Variants in NEB observed in about 807,000 individuals in gnomAD.
The protein encoded by NEB is nemaline myopathy type 2.
In NEB, 512 loss-of-function variants were observed where a neutral mutation model predicts 952.2. That is an observed-to-expected ratio of 0.54 (90% confidence interval 0.50 to 0.58). The LOEUF is 0.58. Among genes scored for constraint, NEB ranks in the 20% least tolerant of loss-of-function variants. The pLI is 0.00. For missense variants in NEB, 8,428 were observed against 9,231.1 expected (o/e 0.91, Z 3.56); for synonymous variants, 2,900 against 3,149.8 (o/e 0.92, Z 2.66).
At chr2:151,665,039 T>C (rs1406941879) in intron 42 of NEB, among the ~76,000 whole-genome samples, 176 bp from the exon 43 acceptor site, 1 of 152,172 alleles carries the variant, frequency 6.6e-6, no homozygotes, top group Non-Finnish European at 1.5e-5. Context: ...AAAAAATTGT[T>C]GAATACGGCA....
At chr2:151,610,169 T>G (rs1293686978) in intron 80 of NEB, 49 bp from the exon 81 acceptor site, 1 of 1,462,814 alleles carries the variant, frequency 6.8e-7, no homozygotes, top group African/African-American at 1.4e-5. Context: ...AAAACCATGC[T>G]CATGTGCTGA....
In NEB at chr2:151,553,454, C is replaced by T. The variant is rs189232206; in HGVS notation, c.19675G>A (p.Val6559Ile). The T allele has an allele frequency of 1.1e-4, 181 of 1,613,700 alleles. 1 individual carries two copies. The East Asian group carries it at 1.3e-3, about 12-fold the overall frequency. The change falls in exon 127 of 182, where the codon GTC (valine) becomes ATC (isoleucine). Residue 6559 changes from valine (V) to isoleucine (I), a missense_variant. Physicochemically the swap from Val to Ile is conservative, Grantham distance 29. Transcript: ENST00000397345. ...LNWLKGIGCY[V>I]WDTPEILHAK... is the part of the protein sequence containing the mutation. The stretch of plus-strand genomic sequence containing the variant: ...TGGAGGATTTCAGGAGTGTCCCAGA[C>T]GTAGCAACCAATGCCTTTCAGCCAG...
rs1312710050 is a variant in NEB at position 151,548,343 on chromosome 2, C to A, written c.20122G>T (p.Val6708Phe). 1.9e-6 allele frequency: 3 copies of A among 1,613,560 alleles called. No homozygotes were observed. The highest frequency in any genetic ancestry group is 2.5e-6 in the Non-Finnish European group (3 of 1,179,694). ...YTLGPKDVPF[V>F]HVRRVNNVTS... ...ACATTGTTGACTCTCCGGACGTGGA[C>A]AAATGGAACATCTTTGGGGCCAAGT... Residue 6708 changes from valine (V) to phenylalanine (F), a missense_variant, in exon 131 of 182, where the codon GTC becomes TTC. Val to Phe is a conservative substitution (Grantham distance 50). Transcript: ENST00000397345.
At chr2:151,520,077 T>A (rs1282070309) in intron 153 of NEB, 1 of 198,752 alleles carries the variant, frequency 5.0e-6, no homozygotes, top group Non-Finnish European at 1.0e-5. Context: ...CAGGCTAAAT[T>A]CAGAGATGTG....
chr2:151,673,980 G>A (rs1352632873), intron 36 of NEB, among the ~76,000 whole-genome samples: 1 of 152,040 alleles, frequency 6.6e-6, no homozygotes, highest in African/African-American at 2.4e-5. Flanking sequence ...TTCAAAGATG[G>A]AAAGGAGTAG....
chr2:151,699,131 C>T lies in NEB; in HGVS notation c.1153-1483G>A, dbSNP rs557599229. Among the ~76,000 whole-genome samples the T allele has an allele frequency of 2.0e-3, 275 of 135,768 alleles. 9 individuals are homozygous for T. The East Asian group carries it at 0.053, about 26-fold the overall frequency. 89.1% of individuals were successfully genotyped at this position (135,768 alleles called of 152,430 possible). On this transcript the variant is annotated intron_variant, in intron 13 of 181. Coordinates refer to ENST00000397345, the MANE Select transcript of NEB (RefSeq NM_001164508.2). ...TGCGGTGTTTGGTTTTTTGTTCTTG[C>T]GATAGTTTACTGAGAATGATGATTT...
rs1166796188 is a variant in NEB, at chr2:151,687,551, T to C, written c.2524-19A>G. The C allele has an allele frequency of 6.2e-7, 1 of 1,612,758 alleles. No individual in the cohort carries two copies. Among genetic ancestry groups the C allele is most frequent in the East Asian group, 2.2e-5 (1 of 44,878 alleles). On this transcript the variant is annotated intron_variant, in intron 26 of 181. Transcript: ENST00000397345. Reference sequence around the variant, plus strand: ...ACATCACCTGCAAAGACATCACACATGCCAGATCCCACTCACCAGGAAATG... The same window carrying C: ...ACATCACCTGCAAAGACATCACACACGCCAGATCCCACTCACCAGGAAATG...
At chr2:151,684,695 G>A (rs1008546616) in intron 28 of NEB, 83 bp downstream of exon 28, 161 of 1,304,726 alleles carry the variant, frequency 1.2e-4, no homozygotes, top group Non-Finnish European at 1.5e-4. Context: ...CCTCTAAGAA[G>A]TGCAAAAACC....
intron 167 of NEB, among the ~76,000 whole-genome samples, chr2:151,502,416 CAT>C (rs1231051226): frequency 1.3e-5 from 2 of 150,338 alleles, no homozygotes; most frequent in African/African-American, 4.9e-5. Context: ...AAGCTGCAAA[CAT>C]AAAGAATACA....
rs140687709 is a variant in NEB at position 151,520,075 on chromosome 2, A to C, written c.22480-307T>G. 1.3e-3 allele frequency: 267 copies of C among 200,842 alleles called. 2 individuals carry two copies. The highest frequency in any genetic ancestry group is 5.9e-3 in the African/African-American group (254 of 43,178). 12.4% of individuals were successfully genotyped at this position (200,842 alleles called of 1,614,324 possible). A position where few individuals can be genotyped will look rare whatever the true frequency, so the allele number is the denominator to read the frequency against. ...AAAAATGGAAAAGGCTTCAGGCTAA[A>C]TTCAGAGATGTGATTTAATGTACTT... On this transcript the variant is annotated intron_variant, in intron 153 of 181. Coordinates refer to ENST00000397345, the MANE Select transcript of NEB (RefSeq NM_001164508.2).
Position 151,675,319 on chromosome 2 carries a change from G to A in NEB, c.3847C>T (p.Gln1283Ter). ...ATATTGTAAGCATTGCACTTGGCCT[G>A]GAGAAACTGAGGAAGATCAGGACTC... The part of the protein sequence containing the change: ...TMSPDLPQFL[Q>*]AKCNAYNISD... Residue 1283 changes from glutamine to a stop codon, truncating the protein, a stop_gained, in exon 35 of 182, where the codon CAG becomes TAG. Transcript: ENST00000397345. LOFTEE classifies it high-confidence loss of function. 1 of 1,595,262 alleles carries A rather than the reference G, an allele frequency of 6.3e-7. No individual in the cohort carries two copies. The highest frequency in any genetic ancestry group is 1.1e-5 in the South Asian group (1 of 87,830).
intron 61 of NEB, 56 bp from the exon 62 acceptor site, chr2:151,640,116 T>C: frequency 1.9e-6 from 3 of 1,565,328 alleles, no homozygotes; most frequent in Non-Finnish European, 2.6e-6. Flanking sequence ...TGCATTTTCA[T>C]CTGAAGGATA....
rs201539722 is a variant in NEB at position 151,545,932 on chromosome 2, G to A, written c.20533C>T (p.Pro6845Ser). 2 of 1,610,988 alleles carry A rather than the reference G, an allele frequency of 1.2e-6. No homozygotes were observed. The highest frequency in any genetic ancestry group is 2.2e-5 in the South Asian group (2 of 90,926). The part of the protein sequence containing the change: ...RDKYKVVLDT[P>S]EYRKVQELKT... ...AGTTCTTGCACTTTTCTGTATTCTG[G>A]AGTGTCAAGCACCACTTTGTATTTG... The change falls in exon 135 of 182, where the codon CCA becomes TCA. Residue 6845 changes from proline to serine, a missense_variant. This residue lies in a region of NEB where 3,374 missense variants were observed against 3,651.5 expected (regional missense o/e 0.92). Coordinates refer to ENST00000397345, the MANE Select transcript of NEB (RefSeq NM_001164508.2).
At position 151,512,802 on chromosome 2, in the gene NEB, G is replaced by A. The variant is rs2075497663; in HGVS notation, c.23277C>T (p.Ala7759=). The change falls in exon 161 of 182, where the codon GCC becomes GCT. Residue 7759 remains alanine (A), a synonymous_variant. Transcript: ENST00000397345. ...GAGTATCAACCACAGAAGTGAAATTGGCTTTCTCCATTTCTGCTGATTGCT... is the reference window on the plus strand; with the variant it reads ...GAGTATCAACCACAGAAGTGAAATTAGCTTTCTCCATTTCTGCTGATTGCT... ...KYKQSAEMEK[A]NFTSVVDTPE... 1 of 1,613,508 alleles carries A rather than the reference G, an allele frequency of 6.2e-7. No homozygotes were observed. The highest frequency in any genetic ancestry group is 1.3e-5 in the African/African-American group (1 of 74,894).
intron 107 of NEB, 80 bp from the exon 108 acceptor site, chr2:151,570,681 CAG>C (rs745697868): frequency 7.8e-7 from 1 of 1,286,774 alleles, no homozygotes; most frequent in Non-Finnish European, 1.1e-6. Flanking sequence ...ATTAATACCA[CAG>C]GGGCACAGTT....
At chr2:151,496,683 GTGT>G (rs2060446904) in intron 172 of NEB, among the ~76,000 whole-genome samples, 2 of 152,052 alleles carry the variant, frequency 1.3e-5, no homozygotes, top group Admixed American at 1.3e-4. Flanking sequence ...TTAGAACTCA[GTGT>G]TGTTATCCAC....
chr2:151,624,765 A>C (rs950351344), intron 71 of NEB, among the ~76,000 whole-genome samples: 3 of 152,172 alleles, frequency 2.0e-5, no homozygotes, highest in African/African-American at 7.2e-5. Context: ...TGTTTAAAAA[A>C]TTAGTATCCT....
intron 35 of NEB, 23 bp from the exon 36 acceptor site, chr2:151,674,607 T>G (rs1223517215): frequency 6.6e-7 from 1 of 1,509,814 alleles, no homozygotes; most frequent in South Asian, 1.1e-5. Context: ...GCAAACAGAA[T>G]GTCAGCATCT....
intron 64 of NEB, among the ~76,000 whole-genome samples, chr2:151,634,731 A>C (rs115454721): frequency 0.012 from 1,808 of 149,366 alleles, 36 homozygotes; most frequent in African/African-American, 0.04. Flanking sequence ...AGAATTTATT[A>C]TTATTATTAT....
Sources: allele counts gnomAD v4.1 joint callset (sites outside exome capture counted in the v4.1 genomes callset), GRCh38; gene constraint gnomAD v4.1.1; regional missense constraint gnomAD v4.1.1; transcripts MANE v1.5; gene names NCBI Gene and HGNC (gene_info 2026-07-23, HGNC 2026-07-21).